Variants in ROBO1 observed in about 807,000 individuals in gnomAD.
ROBO1 encodes the protein roundabout guidance receptor 1, also known as roundabout homolog 1.
In ROBO1, 149 loss-of-function variants were observed where a neutral mutation model predicts 195.9. The observed-to-expected ratio is 0.76, with a 90% CI of 0.67 to 0.87. The LOEUF is 0.87. Among genes scored for constraint, ROBO1 ranks in the 40% least tolerant of loss-of-function variants. The pLI is 0.00. For synonymous variants in ROBO1, 816 were observed against 733.2 expected, an observed-to-expected ratio of 1.11 and a Z score of -1.82; for missense variants, 1,933 against 2,068.3, an observed-to-expected ratio of 0.93 and a Z score of 1.27.
At chr3:78,961,460 T>G (rs2041343420) in intron 3 of ROBO1, among the ~76,000 whole-genome samples, 1 of 152,196 alleles carries the variant, frequency 6.6e-6, no homozygotes, top group Admixed American at 6.5e-5. Context: ...AGGTAAGATT[T>G]TTTTTAAATT....
intron 2 of ROBO1, among the ~76,000 whole-genome samples, chr3:79,205,436 T>C (rs1368963726): frequency 6.6e-6 from 1 of 152,200 alleles, no homozygotes; most frequent in Non-Finnish European, 1.5e-5. Context: ...ATGGAGATAA[T>C]GTTATCTACC....
intron 26 of ROBO1, among the ~76,000 whole-genome samples, chr3:78,624,126 C>G (rs940381565): frequency 7.2e-5 from 11 of 152,002 alleles, no homozygotes; most frequent in Non-Finnish European, 1.6e-4. Flanking sequence ...AAATGCTGTT[C>G]AGTGAAAAGG....
Position 78,668,469 on chromosome 3 carries a change from C to T in ROBO1, c.1630+15G>A, listed in dbSNP as rs774853422. ...TTTAAGCTTCACTTTAAGGGAAACA[C>T]ACCATTTACTTTACCTTGAACTTCA... is the stretch of plus-strand genomic sequence containing the variant. On this transcript the variant is annotated intron_variant, in intron 12 of 30. Transcript: ENST00000464233. 1.2e-6 allele frequency: 2 copies of T among 1,613,274 alleles called. No homozygotes were observed. The highest frequency in any genetic ancestry group is 1.7e-5 in the Admixed American group (1 of 59,946).
Position 79,543,032 on chromosome 3 carries a change from T to G in ROBO1, c.88+46792A>C, listed in dbSNP as rs548510319. ...AAATGGGATTTCAAAGTTTTTAATA[T>G]TATTTGATTAAAATATGTGCATTTA... On this transcript the variant is annotated intron_variant, in intron 2 of 30. Transcript: ENST00000464233. Among the ~76,000 whole-genome samples, 24 of 152,186 alleles carry G rather than the reference T, an allele frequency of 1.6e-4. 1 individual carries two copies. In the South Asian group the frequency reaches 5.0e-3, roughly 32 times the overall value.
chr3:79,229,154 G>T (rs924221796), intron 2 of ROBO1, among the ~76,000 whole-genome samples: 1 of 152,074 alleles, frequency 6.6e-6, no homozygotes, highest in African/African-American at 2.4e-5. Flanking sequence ...TGGATTGATT[G>T]CATTACAGGA....
intron 18 of ROBO1, among the ~76,000 whole-genome samples, chr3:78,656,240 TA>T (rs1470835725): frequency 1.3e-5 from 2 of 152,084 alleles, no homozygotes; most frequent in African/African-American, 4.8e-5. Context: ...TTTGTTATAA[TA>T]AACAATTACA....
intron 2 of ROBO1, among the ~76,000 whole-genome samples, chr3:79,481,409 T>C (rs1449227490): frequency 1.3e-5 from 2 of 152,152 alleles, no homozygotes; most frequent in African/African-American, 4.8e-5. Flanking sequence ...AATTTATCAA[T>C]GACTTCATCT....
At chr3:78,916,334 CCT>C (rs2038585005) in intron 4 of ROBO1, among the ~76,000 whole-genome samples, 1 of 151,400 alleles carries the variant, frequency 6.6e-6, no homozygotes, top group South Asian at 2.1e-4. Context: ...GGGCGAACCA[CCT>C]GAGGTCAAAA....
At chr3:78,945,269 C>T (rs549230540) in intron 3 of ROBO1, among the ~76,000 whole-genome samples, 1 of 152,284 alleles carries the variant, frequency 6.6e-6, no homozygotes, top group Admixed American at 6.5e-5. Flanking sequence ...AGGCACCCCC[C>T]AGTAGGGGCG....
intron 4 of ROBO1, among the ~76,000 whole-genome samples, chr3:78,806,092 T>C (rs920229781): frequency 7.0e-6 from 1 of 143,224 alleles, no homozygotes; most frequent in Admixed American, 6.8e-5. Flanking sequence ...CCGAAGTAGC[T>C]AGGACTGCAG....
At chr3:78,919,055 T>C (rs2038792932) in intron 4 of ROBO1, among the ~76,000 whole-genome samples, 2 of 152,202 alleles carry the variant, frequency 1.3e-5, no homozygotes, top group Non-Finnish European at 2.9e-5. Context: ...ATCGACAATA[T>C]GTTATTTCTA....
chr3:78,677,231 A>G (rs1323020813), intron 10 of ROBO1, among the ~76,000 whole-genome samples: 1 of 152,224 alleles, frequency 6.6e-6, no homozygotes, highest in Non-Finnish European at 1.5e-5. Context: ...GCCAAATTGT[A>G]AAGACCATCA....
chr3:79,738,822 G>A (rs111903406), intron 1 of ROBO1, among the ~76,000 whole-genome samples: 8,875 of 152,168 alleles, frequency 0.058, 359 homozygotes, highest in Middle Eastern at 0.11. Context: ...TGCATCCTGA[G>A]GAAATTGTTT....
chr3:79,686,824 A>G lies in ROBO1; in HGVS notation c.-51+80928T>C, dbSNP rs148821323. ...AATTTATAGATTGAATGCCATCCCC[A>G]TCAAGCTACCAATAACTTTCTTCAC... On this transcript the variant is annotated intron_variant, in intron 1 of 30. Coordinates refer to ENST00000464233, the MANE Select transcript of ROBO1 (RefSeq NM_002941.4). Among the ~76,000 whole-genome samples, 83 of 152,314 alleles carry G rather than the reference A, an allele frequency of 5.4e-4. No individual in the cohort carries two copies. In the East Asian group the frequency reaches 0.015, roughly 28 times the overall value.
chr3:78,631,188 T>C lies in ROBO1; in HGVS notation c.3599A>G (p.Glu1200Gly), dbSNP rs1258712837. 9 of 1,612,516 alleles carry C rather than the reference T, an allele frequency of 5.6e-6. No individual in the cohort carries two copies. Among genetic ancestry groups the C allele is most frequent in the Non-Finnish European group, 7.6e-6 (9 of 1,179,206 alleles). Residue 1200 changes from glutamate to glycine, a missense_variant, in exon 25 of 31, where the codon GAA (glutamate) becomes GGA (glycine). Coordinates refer to ENST00000464233, the MANE Select transcript of ROBO1 (RefSeq NM_002941.4). ...PAHPPPHSNS[E>G]EYNISVDESY... ...TTCATCTACAGAAATGTTGTACTCT[T>C]CGCTATTGCTGTGTGGAGGAGGATG...
intron 2 of ROBO1, among the ~76,000 whole-genome samples, chr3:79,407,204 AG>A (rs1559876606): frequency 6.6e-6 from 1 of 152,190 alleles, no homozygotes; most frequent in African/African-American, 2.4e-5. Flanking sequence ...CTGGGATTAC[AG>A]GCCTGAGCCA....
chr3:78,810,178 T>C (rs563243260), intron 4 of ROBO1, among the ~76,000 whole-genome samples: 1 of 152,292 alleles, frequency 6.6e-6, no homozygotes, highest in South Asian at 2.1e-4. Flanking sequence ...AAGCGCCAGC[T>C]TGCAAACTAG....
intron 3 of ROBO1, among the ~76,000 whole-genome samples, chr3:78,941,776 T>C (rs1292567666): frequency 6.6e-6 from 1 of 152,186 alleles, no homozygotes; most frequent in African/African-American, 2.4e-5. Flanking sequence ...TTTCAGAGAC[T>C]GTGAAGTGTA....
chr3:78,960,786 AC>A (rs2041296133), intron 3 of ROBO1, among the ~76,000 whole-genome samples: 1 of 41,520 alleles, frequency 2.4e-5, no homozygotes, highest in African/African-American at 1.1e-4. Flanking sequence ...TAAAACACAC[AC>A]ACACACACAC....
Sources: allele counts gnomAD v4.1 joint callset (sites outside exome capture counted in the v4.1 genomes callset), GRCh38; gene constraint gnomAD v4.1.1; transcripts MANE v1.5; gene names NCBI Gene and HGNC (gene_info 2026-07-23, HGNC 2026-07-21).